The following CARM1 variants were observed in gnomAD, a reference collection of about 807,000 sequenced individuals.
The protein encoded by CARM1 is coactivator associated arginine methyltransferase 1, also known as histone-arginine methyltransferase CARM1.
CARM1 carries 14 observed loss-of-function variants against 72.7 expected under a neutral mutation model. The ratio of observed to expected loss-of-function variants is 0.19; its 90% confidence interval spans 0.13 to 0.30. The LOEUF (loss-of-function observed/expected upper bound fraction) is 0.30. CARM1 is among the 10% of genes least tolerant of loss of function. The pLI is 1.00. For synonymous variants in CARM1, 333 were observed against 345.5 expected, an observed-to-expected ratio of 0.96 and a Z score of 0.40; for missense variants, 432 against 833.7, an observed-to-expected ratio of 0.52 and a Z score of 5.93.
At chr19:10,913,800 TC>T (rs1200904945) in intron 5 of CARM1, 76 bp from the exon 6 acceptor site, 1 of 1,452,870 alleles carries the variant, frequency 6.9e-7, no homozygotes, top group Non-Finnish European at 9.3e-7. Context: ...ATGGAGGCTG[TC>T]CCTTGAGAGC....
intron 1 of CARM1, among the ~76,000 whole-genome samples, chr19:10,872,291 G>A (rs1239717920): frequency 1.3e-5 from 2 of 151,224 alleles, no homozygotes; most frequent in Non-Finnish European, 3.0e-5. Flanking sequence ...CGGGGTGCGG[G>A]AGAGGTGGGC....
At chr19:10,921,176 G>T in intron 14 of CARM1, 49 bp downstream of exon 14, 2 of 1,576,540 alleles carry the variant, frequency 1.3e-6, no homozygotes, top group East Asian at 2.3e-5. Context: ...GCCCAGGACT[G>T]CCCAGGGGCC....
chr19:10,886,339 G>A (rs1033151046), intron 1 of CARM1, among the ~76,000 whole-genome samples: 44 of 151,910 alleles, frequency 2.9e-4, no homozygotes, highest in African/African-American at 5.5e-4. Context: ...GATTACAGGC[G>A]TGAGCCACCG....
intron 1 of CARM1, among the ~76,000 whole-genome samples, chr19:10,902,349 A>G (rs1156858475): frequency 7.0e-6 from 1 of 141,870 alleles, no homozygotes; most frequent in African/African-American, 2.6e-5. Flanking sequence ...GCTGGAGTAC[A>G]GTGGTGTGAT....
In CARM1 at chr19:10,876,002, G is replaced by A. The variant is rs564679856; in HGVS notation, c.220+4080G>A. ...CTGCTTTGGCCTCCCAAAGTCCTGG[G>A]ATTACAGGGATTAGAGGCATGTGCC... On this transcript the variant is annotated intron_variant, in intron 1 of 15. Coordinates refer to ENST00000327064, the MANE Select transcript of CARM1 (RefSeq NM_199141.2). 5.3e-5 allele frequency among the ~76,000 whole-genome samples: 8 copies of A among 151,884 alleles called. No individual in the cohort carries two copies. In the East Asian group the frequency reaches 1.6e-3, roughly 29 times the overall value.
In CARM1 at chr19:10,916,599, TGGGCTAGATGA is replaced by T. The variant is rs529070768; in HGVS notation, c.939-91_939-81del. 9.2e-5 allele frequency: 127 copies of T among 1,386,142 alleles called. No homozygotes were observed. In the African/African-American group the frequency reaches 1.6e-3, roughly 18 times the overall value. 85.9% of individuals were successfully genotyped at this position (1,386,142 alleles called of 1,614,324 possible). A position where few individuals can be genotyped will look rare whatever the true frequency, so the allele number is the denominator to read the frequency against. On this transcript the variant is annotated intron_variant, in intron 7 of 15. Transcript: ENST00000327064. This position sits in a 1 kb window ranked among gnomAD's most constrained non-coding sequence, Gnocchi z 4.4. ...TGCACTCCTCTTTTTCTGAAAGACT[TGGGCTAGATGA>T]GGGCTGACTGGGAGAGAAGGCAGGG...
intron 1 of CARM1, among the ~76,000 whole-genome samples, chr19:10,899,432 A>C (rs2074048103): frequency 6.6e-6 from 1 of 152,234 alleles, no homozygotes; most frequent in Non-Finnish European, 1.5e-5. Context: ...CACCATGCCA[A>C]GGTTGGATGT....
rs1454644989 is a variant in CARM1 at position 10,922,988 on chromosome 19, C to T, written c.*1231C>T. On this transcript the variant is annotated 3_prime_UTR_variant, in exon 16 of 16. Coordinates refer to ENST00000327064, the MANE Select transcript of CARM1 (RefSeq NM_199141.2). ...GGGGCCCCAGCCCTGTCCCAAAGCT[C>T]CCTGCTCGGCTGCCCCTCGCCCGCC... The T allele has an allele frequency of 3.7e-6, 1 of 268,774 alleles. No individual in the cohort carries two copies. Among genetic ancestry groups the T allele is most frequent in the Non-Finnish European group, 7.0e-6 (1 of 142,808 alleles). The allele number at this position is 268,774 out of a possible 1,614,324, so 16.6% of individuals were successfully genotyped here.
chr19:10,907,520 A>C (rs934786618), intron 2 of CARM1, among the ~76,000 whole-genome samples: 8 of 151,956 alleles, frequency 5.3e-5, no homozygotes, highest in Admixed American at 1.3e-4. Flanking sequence ...TGATCTGCCC[A>C]CCTCAGCCTC....
intron 1 of CARM1, among the ~76,000 whole-genome samples, chr19:10,892,990 C>A (rs929628001): frequency 6.6e-6 from 1 of 152,104 alleles, no homozygotes; most frequent in Admixed American, 6.6e-5. Context: ...CCGCCTCAGC[C>A]TCCCAAAGTG....
At chr19:10,881,893 A>G (rs1172585608) in intron 1 of CARM1, among the ~76,000 whole-genome samples, 1 of 152,096 alleles carries the variant, frequency 6.6e-6, no homozygotes, top group African/African-American at 2.4e-5. Flanking sequence ...AGATAAACAC[A>G]AGGTCCCACA....
chr19:10,919,752 C>T (rs1199321784), intron 9 of CARM1, 72 bp downstream of exon 9: 12 of 1,520,780 alleles, frequency 7.9e-6, no homozygotes, highest in African/African-American at 5.5e-5. Context: ...TGGCTCCCGC[C>T]GGCATCCTGC....
intron 1 of CARM1, among the ~76,000 whole-genome samples, chr19:10,879,632 A>G (rs958300633): frequency 6.6e-6 from 1 of 151,930 alleles, no homozygotes; most frequent in African/African-American, 2.4e-5. Flanking sequence ...GTTTTTTTGG[A>G]GATGAATTCT....
intron 1 of CARM1, among the ~76,000 whole-genome samples, chr19:10,886,867 C>G (rs550267649): frequency 3.8e-4 from 58 of 152,240 alleles, no homozygotes; most frequent in African/African-American, 1.3e-3. Context: ...TTTGCCCACG[C>G]TGGTCTCAAA....
At position 10,922,113 on chromosome 19, in the gene CARM1, G is replaced by C. The variant is rs1365123549; in HGVS notation, c.*356G>C. 3 of 188,372 alleles carry C rather than the reference G, an allele frequency of 1.6e-5. No individual in the cohort carries two copies. Among genetic ancestry groups the C allele is most frequent in the African/African-American group, 7.0e-5 (3 of 42,876 alleles). The allele number at this position is 188,372 out of a possible 1,614,324, so 11.7% of individuals were successfully genotyped here. ...TCCCTTAGCACCTGTCCCCCTGCCT[G>C]TCTCCAGTGGGAAGGTAGCCTGGCC... On this transcript the variant is annotated 3_prime_UTR_variant, in exon 16 of 16. Coordinates refer to ENST00000327064, the MANE Select transcript of CARM1 (RefSeq NM_199141.2).
chr19:10,908,633 G>A, intron 3 of CARM1: 1 of 187,408 alleles, frequency 5.3e-6, no homozygotes, highest in Non-Finnish European at 1.1e-5. Context: ...TGGGAAGCCA[G>A]GTCTGCCTGA....
intron 1 of CARM1, among the ~76,000 whole-genome samples, chr19:10,877,463 C>T (rs2073872856): frequency 6.6e-6 from 1 of 152,168 alleles, no homozygotes; most frequent in Admixed American, 6.6e-5. Context: ...CACTGTGTTG[C>T]CCAGGCTGGA....
intron 5 of CARM1, 102 bp from the exon 6 acceptor site, chr19:10,913,775 A>G (rs2145235536): frequency 8.2e-7 from 1 of 1,226,750 alleles, no homozygotes; most frequent in South Asian, 1.5e-5. Flanking sequence ...AGGGGCACCC[A>G]ATGCCCATGT....
intron 1 of CARM1, among the ~76,000 whole-genome samples, chr19:10,884,248 G>A (rs1478932177): frequency 6.6e-6 from 1 of 151,340 alleles, no homozygotes; most frequent in Non-Finnish European, 1.5e-5. Context: ...GGCTGAGGCA[G>A]GAGAATCTCT....
Sources: gnomAD v4.1 joint callset for allele counts (sites outside exome capture counted in the v4.1 genomes callset) on GRCh38, gnomAD v4.1.1 for gene constraint, Gnocchi (gnomAD v3.1) non-coding constraint, MANE v1.5 for transcripts, NCBI Gene and HGNC (gene_info 2026-07-23, HGNC 2026-07-21) for gene names.